LHFPL3: variants seen among roughly 807,000 people sequenced by gnomAD.
LHFPL3 encodes the protein LHFPL tetraspan subfamily member 3 protein.
Under a neutral mutation model 19.3 loss-of-function variants are expected in LHFPL3, and 5 were observed. The observed-to-expected ratio is 0.26, with a 90% CI of 0.14 to 0.54. The LOEUF (loss-of-function observed/expected upper bound fraction) is 0.54. Ranked by LOEUF, LHFPL3 falls within the 20% of genes least tolerant of loss-of-function variation. The pLI, the probability that LHFPL3 is intolerant of heterozygous loss-of-function variation, is 0.94. For synonymous variants in LHFPL3, 133 were observed against 126.2 expected, an observed-to-expected ratio of 1.05 and a Z score of -0.36; for missense variants, 249 against 307.4, an observed-to-expected ratio of 0.81 and a Z score of 1.42.
chr7:104,679,393 T>C (rs539191089), intron 1 of LHFPL3, among the ~76,000 whole-genome samples: 1 of 152,324 alleles, frequency 6.6e-6, no homozygotes, highest in Admixed American at 6.5e-5. Flanking sequence ...ACTTCCACCT[T>C]GTTCTGTTTA....
chr7:104,830,726 G>T (rs1303520518), intron 2 of LHFPL3, among the ~76,000 whole-genome samples: 1 of 151,822 alleles, frequency 6.6e-6, no homozygotes, highest in Non-Finnish European at 1.5e-5. Context: ...TGCTGTTTTG[G>T]TTACTGTAGC....
chr7:104,716,144 C>T (rs1793382191), intron 1 of LHFPL3, among the ~76,000 whole-genome samples: 1 of 151,934 alleles, frequency 6.6e-6, no homozygotes, highest in African/African-American at 2.4e-5. Flanking sequence ...GTCAGGAGTT[C>T]GAGACCAGCC....
intron 1 of LHFPL3, among the ~76,000 whole-genome samples, chr7:104,679,291 A>G (rs10233987): frequency 0.5 from 75,547 of 152,110 alleles, 19,117 homozygotes; most frequent in South Asian, 0.65. Flanking sequence ...CTGCCTACAT[A>G]GCAGTTGGGT....
intron 2 of LHFPL3, among the ~76,000 whole-genome samples, chr7:104,892,062 TCA>T (rs932767296): frequency 5.3e-5 from 8 of 152,250 alleles, no homozygotes; most frequent in African/African-American, 1.9e-4. Flanking sequence ...TGCATATTGA[TCA>T]CAGATTTTCT....
intron 2 of LHFPL3, among the ~76,000 whole-genome samples, chr7:104,829,478 C>T (rs553361948): frequency 5.2e-4 from 79 of 151,882 alleles, no homozygotes; most frequent in East Asian, 7.7e-4. Flanking sequence ...TATCCCTCCC[C>T]CATCCCCCTA....
chr7:104,509,321 T>C (rs1428825765), intron 1 of LHFPL3, among the ~76,000 whole-genome samples: 1 of 151,256 alleles, frequency 6.6e-6, no homozygotes, highest in Non-Finnish European at 1.5e-5. Flanking sequence ...CTCATGAATA[T>C]CAACTCAAAA....
Position 104,556,447 on chromosome 7 carries a change from C to G in LHFPL3, c.446-180228C>G, listed in dbSNP as rs191893398. 2.8e-3 allele frequency among the ~76,000 whole-genome samples: 423 copies of G among 152,300 alleles called. 1 individual carries two copies. Among genetic ancestry groups the G allele is most frequent in the African/African-American group, 9.7e-3 (402 of 41,548 alleles). ...AGCTACCAAGGCTTGGAGGTTCCAC[C>G]CTTTGAAGCAACAGCCTAAACTGTA... On this transcript the variant is annotated intron_variant, in intron 1 of 2. Coordinates refer to ENST00000424859, the MANE Select transcript of LHFPL3 (RefSeq NM_199000.3).
intron 1 of LHFPL3, among the ~76,000 whole-genome samples, chr7:104,576,023 T>C (rs1040735950): frequency 2.0e-5 from 3 of 152,104 alleles, no homozygotes; most frequent in Admixed American, 6.6e-5. Flanking sequence ...TTTATATCCT[T>C]AGAACTGCAG....
chr7:104,572,179 T>C lies in LHFPL3; in HGVS notation c.446-164496T>C, dbSNP rs148266506. On this transcript the variant is annotated intron_variant, in intron 1 of 2. Transcript: ENST00000424859. ...CACACAGATTTGAATCTATTTGTGT[T>C]GGTGCAAAAGTTATTGCGATTTTTG... Among the ~76,000 whole-genome samples, 539 of 152,348 alleles carry C rather than the reference T, an allele frequency of 3.5e-3. 5 individuals are homozygous for C. The highest frequency in any genetic ancestry group is 0.012 in the African/African-American group (506 of 41,590).
At chr7:104,896,614 AGGAGCAAAGGCCCAGAGGT>A (rs917730908) in intron 2 of LHFPL3, among the ~76,000 whole-genome samples, 50 of 152,342 alleles carry the variant, frequency 3.3e-4, no homozygotes, top group Non-Finnish European at 5.3e-4. Context: ...TTCCAGCAAA[AGGAGCAAAGGCCCAGAGGT>A]GGAGCAAAGG....
intron 1 of LHFPL3, among the ~76,000 whole-genome samples, chr7:104,459,416 TC>T (rs1316635525): frequency 6.6e-6 from 1 of 152,212 alleles, no homozygotes; most frequent in African/African-American, 2.4e-5. Flanking sequence ...TGAATCTTCT[TC>T]AGAGGAGTCA....
intron 2 of LHFPL3, chr7:104,796,497 T>C (rs1399335720): frequency 6.6e-6 from 1 of 152,102 alleles, no homozygotes; most frequent in Non-Finnish European, 1.5e-5. Context: ...ATGCATGTGA[T>C]AGTGGGAGTT....
chr7:104,681,095 G>A (rs1204047253), intron 1 of LHFPL3, among the ~76,000 whole-genome samples: 1 of 150,574 alleles, frequency 6.6e-6, no homozygotes, highest in Non-Finnish European at 1.5e-5. Flanking sequence ...CACTTATTAA[G>A]TATAAGGGAT....
chr7:104,451,191 T>G (rs1384886819), intron 1 of LHFPL3, among the ~76,000 whole-genome samples: 1 of 152,224 alleles, frequency 6.6e-6, no homozygotes, highest in Non-Finnish European at 1.5e-5. Context: ...CTAATTCGTT[T>G]TTTTCATGGA....
At chr7:104,436,827 A>G (rs1283177699) in intron 1 of LHFPL3, among the ~76,000 whole-genome samples, 1 of 152,236 alleles carries the variant, frequency 6.6e-6, no homozygotes, top group East Asian at 1.9e-4. Context: ...TATTTAGATA[A>G]CATTACATTT....
At chr7:104,875,313 T>C (rs1791916835) in intron 2 of LHFPL3, among the ~76,000 whole-genome samples, 1 of 152,158 alleles carries the variant, frequency 6.6e-6, no homozygotes, top group African/African-American at 2.4e-5. Context: ...GACTACCTTG[T>C]CAATGTCTCC....
intron 1 of LHFPL3, among the ~76,000 whole-genome samples, chr7:104,701,435 A>T (rs562878006): frequency 6.6e-6 from 1 of 152,238 alleles, no homozygotes; most frequent in East Asian, 1.9e-4. Context: ...TGTATTACAT[A>T]CTATATTCTT....
chr7:104,769,882 G>A (rs1033651656), intron 2 of LHFPL3, among the ~76,000 whole-genome samples: 10 of 152,074 alleles, frequency 6.6e-5, no homozygotes, highest in East Asian at 1.9e-4. Context: ...CGTCATTTGC[G>A]GGGACATGGT....
At chr7:104,341,798 T>C (rs1034016783) in intron 1 of LHFPL3, among the ~76,000 whole-genome samples, 5 of 152,280 alleles carry the variant, frequency 3.3e-5, no homozygotes, top group Middle Eastern at 6.8e-3. Context: ...CTTTGCCTTT[T>C]ACAGGGTCAG....
Sources: gnomAD v4.1 joint callset for allele counts (sites outside exome capture counted in the v4.1 genomes callset) on GRCh38, gnomAD v4.1.1 for gene constraint, MANE v1.5 for transcripts, NCBI Gene and HGNC (gene_info 2026-07-23, HGNC 2026-07-21) for gene names.